MRPL22: variants seen among roughly 807,000 people sequenced by gnomAD.
MRPL22 encodes the protein mitochondrial ribosomal protein L22.
MRPL22 carries 27 observed loss-of-function variants against 32.4 expected under a neutral mutation model. The ratio of observed to expected loss-of-function variants is 0.83; its 90% confidence interval spans 0.61 to 1.15. The LOEUF is 1.15. Among genes scored for constraint, MRPL22 ranks in the 50% most tolerant of loss-of-function variants. The probability of loss-of-function intolerance (pLI) is 0.00; values close to 1 mark genes in which losing one functional copy is unlikely to be tolerated. For missense variants in MRPL22, 239 were observed against 260.2 expected (o/e 0.92, Z 0.56); for synonymous variants, 86 against 87.3 (o/e 0.99, Z 0.08).
At chr5:154,951,054 A>C in intron 3 of MRPL22, 116 bp downstream of exon 3, 1 of 690,324 alleles carries the variant, frequency 1.4e-6, no homozygotes, top group South Asian at 1.9e-5. Context: ...ACTCTAATTG[A>C]CAGAGAAGAT....
chr5:154,966,966 G>C lies in MRPL22; in HGVS notation c.*69G>C. 7.0e-7 allele frequency: 1 copy of C among 1,427,746 alleles called. No individual in the cohort carries two copies. The highest frequency in any genetic ancestry group is 9.5e-7 in the Non-Finnish European group (1 of 1,056,450). The allele number at this position is 1,427,746 out of a possible 1,614,324, so 88.4% of individuals were successfully genotyped here. On this transcript the variant is annotated 3_prime_UTR_variant, in exon 7 of 7. Coordinates refer to ENST00000523037, the MANE Select transcript of MRPL22 (RefSeq NM_014180.4). ...TTTCTAAAAATAAACAAAAATTGAAGGCAAATGCTTTTTATGATTTCTCAT... is the reference window on the plus strand; with the variant it reads ...TTTCTAAAAATAAACAAAAATTGAACGCAAATGCTTTTTATGATTTCTCAT...
chr5:154,947,792 G>T (rs1764511933), intron 2 of MRPL22, among the ~76,000 whole-genome samples: 1 of 152,170 alleles, frequency 6.6e-6, no homozygotes, highest in Non-Finnish European at 1.5e-5. Context: ...TTGCTGTATG[G>T]CTGGCAAGAA....
At chr5:154,950,207 T>A (rs2113535225) in intron 2 of MRPL22, among the ~76,000 whole-genome samples, 1 of 152,168 alleles carries the variant, frequency 6.6e-6, no homozygotes, top group East Asian at 1.9e-4. Context: ...GAGAACTCCC[T>A]CACTATCACG....
chr5:154,945,297 A>T (rs1764475036), intron 2 of MRPL22, among the ~76,000 whole-genome samples: 1 of 152,138 alleles, frequency 6.6e-6, no homozygotes, highest in Non-Finnish European at 1.5e-5. Flanking sequence ...GAGGTGTGAG[A>T]AAGAAGGGTG....
At chr5:154,947,343 A>G (rs1582688163) in intron 2 of MRPL22, among the ~76,000 whole-genome samples, 1 of 152,174 alleles carries the variant, frequency 6.6e-6, no homozygotes, top group East Asian at 1.9e-4. Flanking sequence ...TTCATACATC[A>G]TGTATCCTAA....
chr5:154,951,439 A>G (rs1426236101), intron 3 of MRPL22, among the ~76,000 whole-genome samples: 1 of 152,246 alleles, frequency 6.6e-6, no homozygotes, highest in Admixed American at 6.5e-5. Context: ...GAATAAACAA[A>G]TAACTTTTCA....
intron 2 of MRPL22, among the ~76,000 whole-genome samples, chr5:154,942,654 C>G (rs1764435135): frequency 6.6e-6 from 1 of 152,220 alleles, no homozygotes; most frequent in Non-Finnish European, 1.5e-5. Flanking sequence ...GTTTTCCCTT[C>G]AGGAAGTTTT....
intron 2 of MRPL22, among the ~76,000 whole-genome samples, chr5:154,945,639 C>T (rs1444855131): frequency 6.6e-6 from 1 of 151,972 alleles, no homozygotes; most frequent in Admixed American, 6.6e-5. Flanking sequence ...TATTACAGAC[C>T]AGGGAGGGAG....
At chr5:154,952,877 G>A (rs1300641537) in intron 3 of MRPL22, among the ~76,000 whole-genome samples, 2 of 152,138 alleles carry the variant, frequency 1.3e-5, no homozygotes, top group Non-Finnish European at 2.9e-5. Context: ...AGAATATATA[G>A]TCAATAAATA....
chr5:154,946,710 A>G (rs1764496585), intron 2 of MRPL22, among the ~76,000 whole-genome samples: 1 of 152,154 alleles, frequency 6.6e-6, no homozygotes, highest in Non-Finnish European at 1.5e-5. Flanking sequence ...AATCCCAGCT[A>G]CTTGGGAGGC....
At chr5:154,953,809 C>T (rs1480418759) in intron 3 of MRPL22, among the ~76,000 whole-genome samples, 1 of 151,138 alleles carries the variant, frequency 6.6e-6, no homozygotes, top group African/African-American at 2.4e-5. Flanking sequence ...GCCTCAGCCT[C>T]CCAAGTAGCT....
chr5:154,952,066 A>T (rs1351633762), intron 3 of MRPL22, among the ~76,000 whole-genome samples: 3 of 152,020 alleles, frequency 2.0e-5, no homozygotes, highest in Non-Finnish European at 4.4e-5. Flanking sequence ...TATTTTTAGT[A>T]GAGACGGGGT....
At position 154,965,967 on chromosome 5, in the gene MRPL22, A is replaced by C. The variant is rs181732216; in HGVS notation, c.410-719A>C. ...CATCTGCATTTTAATTACATTCCCTAGGTTAGTCTGATGTAGCTTGTCAGA... is the reference window on the plus strand; with the variant it reads ...CATCTGCATTTTAATTACATTCCCTCGGTTAGTCTGATGTAGCTTGTCAGA... On this transcript the variant is annotated intron_variant, in intron 6 of 6. Coordinates refer to ENST00000523037, the MANE Select transcript of MRPL22 (RefSeq NM_014180.4). Among the ~76,000 whole-genome samples the C allele has an allele frequency of 3.3e-5, 5 of 152,238 alleles. No individual in the cohort carries two copies. In the East Asian group the frequency reaches 9.7e-4, roughly 29 times the overall value.
chr5:154,954,823 G>A (rs1238332984), intron 3 of MRPL22, among the ~76,000 whole-genome samples: 3 of 152,096 alleles, frequency 2.0e-5, no homozygotes, highest in East Asian at 3.9e-4. Context: ...ACGGAGTCTC[G>A]CTCTGTCGCC....
chr5:154,949,050 T>C (rs955089397), intron 2 of MRPL22, among the ~76,000 whole-genome samples: 1 of 152,232 alleles, frequency 6.6e-6, no homozygotes, highest in Non-Finnish European at 1.5e-5. Flanking sequence ...TGGTAATCTT[T>C]GATGGCTTCT....
At position 154,967,429 on chromosome 5, in the gene MRPL22, G is replaced by A. The variant is rs1023528459; in HGVS notation, c.*532G>A. On this transcript the variant is annotated 3_prime_UTR_variant, in exon 7 of 7. Transcript: ENST00000523037. The surrounding 1 kb of genome is among the most constrained non-coding windows in gnomAD (Gnocchi z 4.7). ...TTAGCAGTAACTCGAAACTACAGGAGTTTATTAGATATACGAATCTAAAAC... is the reference window on the plus strand; with the variant it reads ...TTAGCAGTAACTCGAAACTACAGGAATTTATTAGATATACGAATCTAAAAC... The A allele has an allele frequency of 6.6e-6, 1 of 152,402 alleles. No homozygotes were observed. The highest frequency in any genetic ancestry group is 1.5e-5 in the Non-Finnish European group (1 of 68,230). The allele number at this position is 152,402 out of a possible 1,614,324, so 9.4% of individuals were successfully genotyped here. A position where few individuals can be genotyped will look rare whatever the true frequency, so the allele number is the denominator to read the frequency against.
chr5:154,957,181 A>G lies in MRPL22; in HGVS notation c.308A>G (p.Asn103Ser), dbSNP rs138541052. Residue 103 changes from asparagine to serine, a missense_variant, in exon 5 of 7, where the codon AAT (asparagine) becomes AGT (serine). By Grantham distance (46) the Asn-to-Ser change is conservative. Transcript: ENST00000523037. ...IDQALAQLEF[N>S]DKKGAKIIKE... ...CAGGCTTTGGCTCAGTTGGAATTCA[A>G]TGACAAAAAAGGGGCCAAAATAATT... 583 of 1,613,780 alleles carry G rather than the reference A, an allele frequency of 3.6e-4. No individual in the cohort carries two copies. The highest frequency in any genetic ancestry group is 4.6e-4 in the Non-Finnish European group (544 of 1,179,718).
chr5:154,961,914 C>T (rs1764710664), intron 6 of MRPL22, among the ~76,000 whole-genome samples: 1 of 152,154 alleles, frequency 6.6e-6, no homozygotes, highest in African/African-American at 2.4e-5. Flanking sequence ...TCTTGAACTC[C>T]TGGCTTCAAG....
intron 3 of MRPL22, 87 bp downstream of exon 3, chr5:154,951,025 A>G (rs1333020694): frequency 1.1e-6 from 1 of 871,406 alleles, no homozygotes; most frequent in Non-Finnish European, 1.8e-6. Flanking sequence ...TCTGTGTTAA[A>G]AAAATTATAC....
Sources: allele counts gnomAD v4.1 joint callset (sites outside exome capture counted in the v4.1 genomes callset), GRCh38; gene constraint gnomAD v4.1.1; non-coding constraint Gnocchi (gnomAD v3.1); transcripts MANE v1.5; gene names NCBI Gene and HGNC (gene_info 2026-07-23, HGNC 2026-07-21).